PIP5K1A: variants seen among roughly 807,000 people sequenced by gnomAD.
PIP5K1A encodes phosphatidylinositol-4-phosphate 5-kinase type 1 alpha.
In PIP5K1A, 46 loss-of-function variants were observed where a neutral mutation model predicts 72.9. The ratio of observed to expected loss-of-function variants is 0.63; its 90% CI spans 0.50 to 0.81. The LOEUF (loss-of-function observed/expected upper bound fraction) is 0.81. Among genes scored for constraint, PIP5K1A ranks in the 30% least tolerant of loss-of-function variants. The pLI is 0.00. For missense variants in PIP5K1A, 458 were observed against 706.1 expected (o/e 0.65, Z 3.98); for synonymous variants, 228 against 255.1 (o/e 0.89, Z 1.01).
rs945265123 is a variant in PIP5K1A, at chr1:151,248,731, A to C, written c.*866A>C. The C allele has an allele frequency of 6.6e-6, 1 of 152,582 alleles. No homozygotes were observed. The highest frequency in any genetic ancestry group is 1.5e-5 in the Non-Finnish European group (1 of 68,034). The allele number at this position is 152,582 out of a possible 1,614,324, so 9.5% of individuals were successfully genotyped here. ...CTGCCAGGCTATAGTAATTATTACT[A>C]TTTTGCAATTTGAAATATATTCTGG... On this transcript the variant is annotated 3_prime_UTR_variant, in exon 16 of 16. Coordinates refer to ENST00000368888, the MANE Select transcript of PIP5K1A (RefSeq NM_001135638.2).
intron 1 of PIP5K1A, among the ~76,000 whole-genome samples, chr1:151,208,051 G>T (rs973023105): frequency 6.6e-6 from 1 of 151,726 alleles, no homozygotes; most frequent in African/African-American, 2.4e-5. Context: ...TAGAAATGGG[G>T]TTTCTCCATG....
intron 8 of PIP5K1A, 30 bp from the exon 9 acceptor site, chr1:151,236,528 G>A (rs1690882851): frequency 6.8e-7 from 1 of 1,469,722 alleles, no homozygotes; most frequent in African/African-American, 1.4e-5. Context: ...TTCTTCCAAG[G>A]CTCAGATCAT....
At position 151,198,855 on chromosome 1, in the gene PIP5K1A, C is replaced by T. The variant is rs1258133980; in HGVS notation, c.-142C>T. On this transcript the variant is annotated 5_prime_UTR_variant, in exon 1 of 16. Transcript: ENST00000368888. The stretch of plus-strand genomic sequence containing the variant: ...TGGTCCAGGAGCCGGCTCGACGTGT[C>T]TGAGGGAGGCCCCGGAGGGGGCGGG... The T allele has an allele frequency of 2.5e-6, 2 of 788,110 alleles. No homozygotes were observed. The highest frequency in any genetic ancestry group is 4.8e-5 in the East Asian group (2 of 41,246). The allele number at this position is 788,110 out of a possible 1,614,324, so 48.8% of individuals were successfully genotyped here. A position where few individuals can be genotyped will look rare whatever the true frequency, so the allele number is the denominator to read the frequency against.
At chr1:151,221,325 A>T (rs185226797) in intron 1 of PIP5K1A, among the ~76,000 whole-genome samples, 34 of 152,322 alleles carry the variant, frequency 2.2e-4, no homozygotes, top group Non-Finnish European at 3.8e-4. Context: ...AAAAGCAGGA[A>T]TAATTTGGCA....
At chr1:151,245,769 C>T (rs1335730594) in intron 14 of PIP5K1A, among the ~76,000 whole-genome samples, 2 of 152,146 alleles carry the variant, frequency 1.3e-5, no homozygotes, top group African/African-American at 4.8e-5. Context: ...CTCCTGGCTT[C>T]AGATGATCTG....
At chr1:151,197,009 C>G (rs189056537), upstream of PIP5K1A, among the ~76,000 whole-genome samples, 1 of 151,706 alleles carries the variant, frequency 6.6e-6, no homozygotes, top group Non-Finnish European at 1.5e-5. Flanking sequence ...TACAGGCACC[C>G]GCCACCACGC....
chr1:151,243,901 T>G (rs1307679122), intron 14 of PIP5K1A, among the ~76,000 whole-genome samples: 1 of 152,218 alleles, frequency 6.6e-6, no homozygotes, highest in Non-Finnish European at 1.5e-5. Flanking sequence ...GACTCTGTTT[T>G]TCGGTTGAAA....
upstream of PIP5K1A, chr1:151,195,471 G>A (rs1684536146): frequency 6.6e-6 from 1 of 152,208 alleles, no homozygotes; most frequent in African/African-American, 2.4e-5. Flanking sequence ...CCGGGGAGGA[G>A]TGGTTCCATG....
At chr1:151,215,934 G>T (rs1189671487) in intron 1 of PIP5K1A, 9 of 1,289,232 alleles carry the variant, frequency 7.0e-6, no homozygotes, top group Non-Finnish European at 9.2e-6. Flanking sequence ...CCAGGAGTAA[G>T]GGGTAACTTT....
chr1:151,206,220 CTGTT>C (rs945267977), intron 1 of PIP5K1A, among the ~76,000 whole-genome samples: 1 of 152,014 alleles, frequency 6.6e-6, no homozygotes, highest in African/African-American at 2.4e-5. Flanking sequence ...AAATTTCAGT[CTGTT>C]TATTTGTAAT....
intron 1 of PIP5K1A, among the ~76,000 whole-genome samples, chr1:151,216,496 A>G (rs1355482174): frequency 6.6e-6 from 1 of 152,150 alleles, no homozygotes; most frequent in African/African-American, 2.4e-5. Flanking sequence ...ACCCTAACAT[A>G]GAAGTATCTT....
At chr1:151,246,859 GT>G in intron 14 of PIP5K1A, 60 bp from the exon 15 acceptor site, 1 of 1,215,268 alleles carries the variant, frequency 8.2e-7, no homozygotes, top group Non-Finnish European at 1.2e-6. Flanking sequence ...TAAAAGGAGA[GT>G]CCTTTGTTGT....
At chr1:151,195,884 ATTTTTTTTTT>A (rs1157195462), upstream of PIP5K1A, among the ~76,000 whole-genome samples, 7 of 62,294 alleles carry the variant, frequency 1.1e-4, no homozygotes, top group East Asian at 5.9e-4. Flanking sequence ...ACACCAGCCG[ATTTTTTTTTT>A]TTTTTTTTTT....
intron 14 of PIP5K1A, among the ~76,000 whole-genome samples, chr1:151,245,333 G>A (rs1322273475): frequency 6.6e-5 from 10 of 152,186 alleles, no homozygotes; most frequent in Middle Eastern, 3.4e-3. Flanking sequence ...TTTCCTTCAA[G>A]TTCCAATAAA....
chr1:151,248,420 C>T lies in PIP5K1A; in HGVS notation c.*555C>T, dbSNP rs1296327954. 4.9e-5 allele frequency: 1 copy of T among 20,440 alleles called. No homozygotes were observed. The highest frequency in any genetic ancestry group is 1.6e-4 in the Non-Finnish European group (1 of 6,418). The allele number at this position is 20,440 out of a possible 1,614,324, so 1.3% of individuals were successfully genotyped here. ...TTTTTTTTCTGAAAAAAGGAAAAAGCACACAGCACACAATTTCAAGCCATT... is the reference window on the plus strand; with the variant it reads ...TTTTTTTTCTGAAAAAAGGAAAAAGTACACAGCACACAATTTCAAGCCATT... On this transcript the variant is annotated 3_prime_UTR_variant, in exon 16 of 16. Transcript: ENST00000368888.
rs752299839 is a variant in PIP5K1A at position 151,236,735 on chromosome 1, C to T, written c.1117C>T (p.Arg373Trp). The change falls in exon 9 of 16, where the codon CGG (arginine) becomes TGG (tryptophan). Residue 373 changes from arginine to tryptophan, a missense_variant. Transcript: ENST00000368888. ...GGAATCCATCCAGGGAGAGGCTCGA[C>T]GGGGTGGTACCATGGAGACTGATGA... The part of the protein sequence containing the change: ...AMESIQGEAR[R>W]GGTMETDDHM... 7.4e-6 allele frequency: 12 copies of T among 1,612,050 alleles called. No homozygotes were observed. The highest frequency in any genetic ancestry group is 3.3e-5 in the Admixed American group (2 of 59,792).
intron 1 of PIP5K1A, among the ~76,000 whole-genome samples, chr1:151,204,430 G>T (rs1182524394): frequency 6.6e-6 from 1 of 152,182 alleles, no homozygotes; most frequent in African/African-American, 2.4e-5. Flanking sequence ...GCCCACTTCA[G>T]CCTCCCAAAG....
chr1:151,236,276 T>TA (rs1176298193), intron 8 of PIP5K1A, among the ~76,000 whole-genome samples: 1 of 151,614 alleles, frequency 6.6e-6, no homozygotes, highest in African/African-American at 2.4e-5. Flanking sequence ...GCCCAGAAAT[T>TA]AGAGACCAGC....
intron 1 of PIP5K1A, among the ~76,000 whole-genome samples, chr1:151,212,390 G>A (rs1034341844): frequency 6.6e-6 from 1 of 152,136 alleles, no homozygotes; most frequent in Non-Finnish European, 1.5e-5. Flanking sequence ...CAGTGGCTGG[G>A]TAGTAGCAAG....
Sources: gnomAD v4.1 joint callset for allele counts (sites outside exome capture counted in the v4.1 genomes callset) on GRCh38, gnomAD v4.1.1 for gene constraint, MANE v1.5 for transcripts, NCBI Gene and HGNC (gene_info 2026-07-23, HGNC 2026-07-21) for gene names.